The following PDE4B variants were observed in gnomAD, a reference collection of about 807,000 sequenced individuals.
PDE4B encodes the protein 3',5'-cyclic-AMP phosphodiesterase 4B.
In PDE4B, 20 loss-of-function variants were observed where a neutral mutation model predicts 82.2. That is an observed-to-expected ratio of 0.24 (90% confidence interval 0.17 to 0.35). The LOEUF is 0.35. Ranked by LOEUF, PDE4B falls within the 10% of genes least tolerant of loss-of-function variation. The probability of loss-of-function intolerance (pLI) is 1.00; values close to 1 mark genes in which losing one functional copy is unlikely to be tolerated. For synonymous variants in PDE4B, 320 were observed against 318.9 expected (o/e 1.00, Z -0.04); for missense variants, 655 against 907.2 (o/e 0.72, Z 3.57).
chr1:65,848,247 TCCC>T (rs1646289032), intron 1 of PDE4B, among the ~76,000 whole-genome samples: 1 of 152,080 alleles, frequency 6.6e-6, no homozygotes, highest in African/African-American at 2.4e-5. Flanking sequence ...CAAGCAGTTC[TCCC>T]GCATCAGCCT....
At chr1:66,327,761 G>C (rs1377339651) in intron 7 of PDE4B, among the ~76,000 whole-genome samples, 1 of 152,192 alleles carries the variant, frequency 6.6e-6, no homozygotes, top group East Asian at 1.9e-4. Flanking sequence ...CTGTGCATTA[G>C]GTAGATCAGA....
rs1663355959 is a variant in PDE4B at position 66,367,791 on chromosome 1, A to G, written c.1480A>G (p.Ile494Val). ...ACTGCTGCAAGAAGAACACTGTGAC[A>G]TCTTCATGAATCTCACCAAGAAGCA... Reference protein sequence around the residue: ...FKLLQEEHCDIFMNLTKKQRQ... With the variant: ...FKLLQEEHCDVFMNLTKKQRQ... The change falls in exon 14 of 17, where the codon ATC (isoleucine) becomes GTC (valine). Residue 494 changes from isoleucine (I) to valine (V), a missense_variant. By Grantham distance (29) the Ile-to-Val change is conservative (BLOSUM62 3). Transcript: ENST00000341517. 2 of 1,613,754 alleles carry G rather than the reference A, an allele frequency of 1.2e-6. No homozygotes were observed. The highest frequency in any genetic ancestry group is 2.2e-5 in the South Asian group (2 of 91,072).
intron 2 of PDE4B, among the ~76,000 whole-genome samples, chr1:65,918,257 A>G (rs1647184896): frequency 6.6e-6 from 1 of 152,248 alleles, no homozygotes; most frequent in South Asian, 2.1e-4. Flanking sequence ...TTTCCAAAAT[A>G]TATTTTTGAT....
chr1:66,206,466 T>TTCA (rs980689857), intron 3 of PDE4B, among the ~76,000 whole-genome samples: 1 of 152,042 alleles, frequency 6.6e-6, no homozygotes, highest in African/African-American at 2.4e-5. Context: ...AACAGGAAGG[T>TTCA]AGAGGAAGCA....
intron 3 of PDE4B, among the ~76,000 whole-genome samples, chr1:66,205,806 T>C (rs577023291): frequency 2.9e-4 from 44 of 152,328 alleles, no homozygotes; most frequent in African/African-American, 1.1e-3. Context: ...TAGTGAATGG[T>C]CCTCTCTAGC....
chr1:65,881,536 C>A (rs1646708768), intron 1 of PDE4B, among the ~76,000 whole-genome samples: 1 of 152,114 alleles, frequency 6.6e-6, no homozygotes, highest in African/African-American at 2.4e-5. Context: ...ATCTACTTCC[C>A]AGAAAGAGCA....
chr1:66,224,832 G>T (rs1428090213), intron 3 of PDE4B, among the ~76,000 whole-genome samples: 1 of 152,110 alleles, frequency 6.6e-6, no homozygotes, highest in Admixed American at 6.5e-5. Context: ...GCAAATTCTG[G>T]TCAAGTCACT....
intron 3 of PDE4B, among the ~76,000 whole-genome samples, chr1:66,129,872 A>G (rs1645904628): frequency 6.6e-6 from 1 of 152,210 alleles, no homozygotes; most frequent in Non-Finnish European, 1.5e-5. Context: ...TTAATTCAGG[A>G]GATGTATTAC....
chr1:65,807,046 A>C (rs1184497461), intron 1 of PDE4B, among the ~76,000 whole-genome samples: 1 of 152,204 alleles, frequency 6.6e-6, no homozygotes, highest in African/African-American at 2.4e-5. Flanking sequence ...AGAAACTTGA[A>C]TTTTCTTAAA....
At chr1:66,349,533 T>C (rs945734871) in intron 8 of PDE4B, among the ~76,000 whole-genome samples, 1 of 152,158 alleles carries the variant, frequency 6.6e-6, no homozygotes, top group Non-Finnish European at 1.5e-5. Context: ...AGATGACCCA[T>C]TATGGAACAC....
intron 7 of PDE4B, among the ~76,000 whole-genome samples, chr1:66,321,204 T>C (rs1245482875): frequency 6.6e-6 from 1 of 152,204 alleles, no homozygotes; most frequent in African/African-American, 2.4e-5. Flanking sequence ...TGGGCTCTTG[T>C]GAGTTGAACT....
intron 7 of PDE4B, among the ~76,000 whole-genome samples, chr1:66,272,369 T>C (rs1035306330): frequency 2.0e-5 from 3 of 152,206 alleles, no homozygotes; most frequent in Non-Finnish European, 4.4e-5. Flanking sequence ...CCATTGGTTT[T>C]AGAACCCATT....
chr1:65,985,608 G>C (rs1233759902), intron 3 of PDE4B, among the ~76,000 whole-genome samples: 1 of 151,988 alleles, frequency 6.6e-6, no homozygotes, highest in Non-Finnish European at 1.5e-5. Flanking sequence ...TATTATCTTT[G>C]GGAACTGGAG....
intron 8 of PDE4B, among the ~76,000 whole-genome samples, chr1:66,345,670 T>G (rs1661338681): frequency 6.6e-6 from 1 of 152,160 alleles, no homozygotes; most frequent in Non-Finnish European, 1.5e-5. Flanking sequence ...GACCAAGTAT[T>G]TGTTAGTGAT....
chr1:66,083,909 A>T (rs552958784), intron 3 of PDE4B, among the ~76,000 whole-genome samples: 2 of 152,252 alleles, frequency 1.3e-5, no homozygotes, highest in East Asian at 3.9e-4. Flanking sequence ...CTTCAGCTAC[A>T]TTGTAGGTAT....
At chr1:66,335,962 T>G (rs918039070) in intron 8 of PDE4B, among the ~76,000 whole-genome samples, 1 of 152,212 alleles carries the variant, frequency 6.6e-6, no homozygotes, top group Non-Finnish European at 1.5e-5. Context: ...AGTTCCTCAG[T>G]GGCAAAACAG....
intron 1 of PDE4B, among the ~76,000 whole-genome samples, chr1:65,896,729 C>A (rs1646914423): frequency 6.6e-6 from 1 of 152,048 alleles, no homozygotes; most frequent in African/African-American, 2.4e-5. Flanking sequence ...GGGATAAATG[C>A]CATTTAAGAA....
intron 3 of PDE4B, among the ~76,000 whole-genome samples, chr1:65,947,659 C>T (rs1282578370): frequency 6.6e-6 from 1 of 151,884 alleles, no homozygotes; most frequent in Non-Finnish European, 1.5e-5. Flanking sequence ...TTAGACACAG[C>T]TATAGACACA....
intron 3 of PDE4B, among the ~76,000 whole-genome samples, chr1:66,101,444 A>G (rs1253157278): frequency 6.6e-6 from 1 of 152,220 alleles, no homozygotes; most frequent in Non-Finnish European, 1.5e-5. Flanking sequence ...TTACAGTCCC[A>G]CAAACTGTGT....
Sources: gnomAD v4.1 joint callset for allele counts (sites outside exome capture counted in the v4.1 genomes callset) on GRCh38, gnomAD v4.1.1 for gene constraint, MANE v1.5 for transcripts, NCBI Gene and HGNC (gene_info 2026-07-23, HGNC 2026-07-21) for gene names.